SCLT1: variants seen among roughly 807,000 people sequenced by gnomAD.
SCLT1 encodes the protein sodium channel and clathrin linker 1, also known as sodium channel-associated protein 1.
SCLT1 carries 78 observed loss-of-function variants against 112.8 expected under a neutral mutation model. The observed-to-expected ratio is 0.69, with a 90% CI of 0.58 to 0.83. The LOEUF (loss-of-function observed/expected upper bound fraction) is 0.83. Ranked by LOEUF, SCLT1 falls within the 40% of genes least tolerant of loss-of-function variation. The probability of loss-of-function intolerance (pLI) is 0.00; values close to 1 mark genes in which losing one functional copy is unlikely to be tolerated. For missense variants in SCLT1, 747 were observed against 770.4 expected (o/e 0.97, Z 0.36); for synonymous variants, 257 against 254.7 (o/e 1.01, Z -0.09).
intron 18 of SCLT1, among the ~76,000 whole-genome samples, chr4:128,933,641 C>T (rs1342612822): frequency 1.3e-5 from 2 of 152,094 alleles, no homozygotes; most frequent in Non-Finnish European, 2.9e-5. Context: ...GAATACTGGT[C>T]TTGTTTTTAC....
chr4:128,899,601 T>C (rs1019178511), intron 18 of SCLT1, among the ~76,000 whole-genome samples: 1 of 152,152 alleles, frequency 6.6e-6, no homozygotes, highest in African/African-American at 2.4e-5. Flanking sequence ...AGCATTCCCT[T>C]TGAAAACTGG....
Position 128,978,634 on chromosome 4 carries a change from G to A in SCLT1, c.687-8166C>T, listed in dbSNP as rs1741389925. On this transcript the variant is annotated intron_variant, in intron 9 of 20. Transcript: ENST00000281142. Reference sequence around the variant, plus strand: ...GTAATTCTTGAGGAGAAGAATAGATGGAGGGGGGCTGAATCCAAACTGAAG... The same window carrying A: ...GTAATTCTTGAGGAGAAGAATAGATAGAGGGGGGCTGAATCCAAACTGAAG... 2.0e-5 allele frequency among the ~76,000 whole-genome samples: 3 copies of A among 152,094 alleles called. No homozygotes were observed. In the South Asian group the frequency reaches 6.2e-4, roughly 32 times the overall value.
At chr4:129,085,606 A>G (rs985978936) in intron 1 of SCLT1, among the ~76,000 whole-genome samples, 1 of 152,204 alleles carries the variant, frequency 6.6e-6, no homozygotes, top group African/African-American at 2.4e-5. Context: ...AAGACATGAA[A>G]TCAACCTTAA....
At chr4:129,043,261 C>T (rs1284232069) in intron 4 of SCLT1, 134 bp downstream of exon 4, 2 of 631,148 alleles carry the variant, frequency 3.2e-6, no homozygotes, top group Admixed American at 6.2e-5. Context: ...CACACATTTA[C>T]ATAGGGCCAC....
At position 129,038,143 on chromosome 4, in the gene SCLT1, A is replaced by G. The variant is rs186189377; in HGVS notation, c.290+898T>C. On this transcript the variant is annotated intron_variant, in intron 5 of 20. Coordinates refer to ENST00000281142, the MANE Select transcript of SCLT1 (RefSeq NM_144643.4). Reference sequence around the variant, plus strand: ...AGCAAGACTCTGTCTCAAAAAAAAAAGTCAACAATATTAGTATTCAGGAAA... The same window carrying G: ...AGCAAGACTCTGTCTCAAAAAAAAAGGTCAACAATATTAGTATTCAGGAAA... The G allele has an allele frequency of 5.7e-3, 876 of 154,182 alleles. 5 individuals are homozygous for G. The highest frequency in any genetic ancestry group is 8.8e-3 in the Non-Finnish European group (601 of 68,034). 9.6% of individuals were successfully genotyped at this position (154,182 alleles called of 1,614,324 possible).
At chr4:128,883,157 C>CAAAAAAAA (rs34993678), downstream of SCLT1, among the ~76,000 whole-genome samples, 56 of 57,644 alleles carry the variant, frequency 9.7e-4, no homozygotes, top group African/African-American at 2.0e-3. Flanking sequence ...ACAACAACAA[C>CAAAAAAAA]AAAAAAAAAA....
chr4:129,063,291 T>C (rs1192444283), intron 2 of SCLT1, among the ~76,000 whole-genome samples: 1 of 152,218 alleles, frequency 6.6e-6, no homozygotes, highest in Non-Finnish European at 1.5e-5. Flanking sequence ...CTGACTGGCT[T>C]TGGGAAACAA....
chr4:128,938,673 T>G (rs1737416665), intron 17 of SCLT1, among the ~76,000 whole-genome samples: 1 of 152,186 alleles, frequency 6.6e-6, no homozygotes, highest in African/African-American at 2.4e-5. Flanking sequence ...TTCTTTCTTA[T>G]GAACACATGT....
chr4:129,057,684 G>A (rs1457442205), intron 2 of SCLT1, among the ~76,000 whole-genome samples: 1 of 151,012 alleles, frequency 6.6e-6, no homozygotes, highest in Non-Finnish European at 1.5e-5. Flanking sequence ...ATTATTGCTA[G>A]GTTTTCTAAT....
intron 2 of SCLT1, among the ~76,000 whole-genome samples, chr4:129,071,929 A>C (rs1751048825): frequency 6.6e-6 from 1 of 152,144 alleles, no homozygotes; most frequent in South Asian, 2.1e-4. Flanking sequence ...TTATGCTTTA[A>C]AGAGGTTCTG....
chr4:129,022,669 A>T (rs867534706), intron 5 of SCLT1, among the ~76,000 whole-genome samples: 3 of 152,224 alleles, frequency 2.0e-5, no homozygotes, highest in African/African-American at 7.2e-5. Flanking sequence ...CCTACGACTG[A>T]CTGGGGAACC....
chr4:128,975,813 AG>A (rs1741123016), intron 9 of SCLT1, among the ~76,000 whole-genome samples: 1 of 152,222 alleles, frequency 6.6e-6, no homozygotes, highest in Admixed American at 6.5e-5. Context: ...TACTGCTTTT[AG>A]GAAACTGAGT....
intron 18 of SCLT1, among the ~76,000 whole-genome samples, chr4:128,910,524 T>C (rs1419643167): frequency 3.9e-5 from 6 of 152,336 alleles, no homozygotes; most frequent in East Asian, 3.9e-4. Context: ...CAGTATCCCA[T>C]TTGTCATTTA....
Position 128,997,865 on chromosome 4 carries a change from T to C in SCLT1, c.615+9A>G. ...ACAATTTCTAGTTTATATAAATAAG[T>C]ATACTTACCACTTCCATGTTCTCAT... On this transcript the variant is annotated intron_variant, in intron 8 of 20. Transcript: ENST00000281142. The C allele has an allele frequency of 7.6e-7, 1 of 1,312,928 alleles. No individual in the cohort carries two copies. Among genetic ancestry groups the C allele is most frequent in the Middle Eastern group, 2.5e-4 (1 of 3,962 alleles). 81.3% of individuals were successfully genotyped at this position (1,312,928 alleles called of 1,614,324 possible). A position where few individuals can be genotyped will look rare whatever the true frequency, so the allele number is the denominator to read the frequency against.
In SCLT1 at chr4:129,089,248, A is replaced by G. The variant is rs142108222; in HGVS notation, c.34+3822T>C. Among the ~76,000 whole-genome samples the G allele has an allele frequency of 3.0e-3, 463 of 152,368 alleles. 2 individuals are homozygous for G. Among genetic ancestry groups the G allele is most frequent in the African/African-American group, 0.011 (445 of 41,584 alleles). Reference sequence around the variant, plus strand: ...ATATATTTATGCAGCCAACAAACACATGAAAAAATGCTCATCATCACTGGT... The same window carrying G: ...ATATATTTATGCAGCCAACAAACACGTGAAAAAATGCTCATCATCACTGGT... On this transcript the variant is annotated intron_variant, in intron 1 of 20. Coordinates refer to ENST00000281142, the MANE Select transcript of SCLT1 (RefSeq NM_144643.4).
intron 5 of SCLT1, among the ~76,000 whole-genome samples, chr4:129,008,160 T>C (rs1296688469): frequency 6.6e-6 from 1 of 152,186 alleles, no homozygotes; most frequent in Non-Finnish European, 1.5e-5. Flanking sequence ...CCTTCCATAG[T>C]TCCAAACTTT....
intron 18 of SCLT1, among the ~76,000 whole-genome samples, chr4:128,901,636 C>A (rs543275466): frequency 6.6e-6 from 1 of 150,872 alleles, no homozygotes; most frequent in Non-Finnish European, 1.5e-5. Flanking sequence ...CTAACCTGCA[C>A]GTTGTACACA....
chr4:128,929,162 C>T (rs1426897551), intron 18 of SCLT1, among the ~76,000 whole-genome samples: 1 of 152,116 alleles, frequency 6.6e-6, no homozygotes, highest in African/African-American at 2.4e-5. Context: ...TAAGTAAGGT[C>T]ACTGGTTAAA....
intron 5 of SCLT1, among the ~76,000 whole-genome samples, chr4:129,038,709 T>C (rs1377099476): frequency 1.3e-5 from 2 of 152,186 alleles, no homozygotes; most frequent in African/African-American, 4.8e-5. Flanking sequence ...AACATACATA[T>C]ATATTATATA....
Sources: allele counts gnomAD v4.1 joint callset (sites outside exome capture counted in the v4.1 genomes callset), GRCh38; gene constraint gnomAD v4.1.1; transcripts MANE v1.5; gene names NCBI Gene and HGNC (gene_info 2026-07-23, HGNC 2026-07-21).